The following PKP1 variants were observed in gnomAD, a reference collection of about 807,000 sequenced individuals.
PKP1 encodes plakophilin-1.
Under a neutral mutation model 76.4 loss-of-function variants are expected in PKP1, and 27 were observed. The observed-to-expected ratio is 0.35, with a 90% CI of 0.26 to 0.49. The LOEUF is 0.49. PKP1 is among the 20% of genes least tolerant of loss of function. The pLI is 0.99. For synonymous variants in PKP1, 404 were observed against 384.2 expected (o/e 1.05, Z -0.60); for missense variants, 964 against 955.2 (o/e 1.01, Z -0.12).
At chr1:201,313,032 C>G in intron 2 of PKP1, 134 bp from the exon 3 acceptor site, 1 of 905,924 alleles carries the variant, frequency 1.1e-6, no homozygotes, top group Non-Finnish European at 1.8e-6. Context: ...GGCTCAGGTT[C>G]CTTCCACGCC....
intron 7 of PKP1, among the ~76,000 whole-genome samples, chr1:201,321,572 T>C (rs938879324): frequency 2.0e-5 from 3 of 151,040 alleles, no homozygotes; most frequent in African/African-American, 7.3e-5. Flanking sequence ...GAGTTTGTTC[T>C]GGAAAAAAAA....
At chr1:201,286,972 C>T (rs375307758) in intron 1 of PKP1, among the ~76,000 whole-genome samples, 28 of 152,282 alleles carry the variant, frequency 1.8e-4, no homozygotes, top group East Asian at 5.8e-4. Flanking sequence ...AGCGCTCCCC[C>T]GCCACTGTGA....
intron 1 of PKP1, among the ~76,000 whole-genome samples, chr1:201,293,422 G>T (rs1397533149): frequency 2.6e-5 from 4 of 152,218 alleles, no homozygotes; most frequent in African/African-American, 4.8e-5. Context: ...GAGCATGTTA[G>T]AGGTGAAAGA....
At chr1:201,322,687 T>A (rs1779290) in intron 8 of PKP1, among the ~76,000 whole-genome samples, 2 of 152,122 alleles carry the variant, frequency 1.3e-5, no homozygotes, top group Non-Finnish European at 2.9e-5. Context: ...GATGGGAGAG[T>A]CCAAAGCAGC....
intron 6 of PKP1, 199 bp from the exon 7 acceptor site, chr1:201,320,068 C>G (rs1173810144): frequency 8.4e-6 from 6 of 710,974 alleles, no homozygotes; most frequent in African/African-American, 7.0e-5. Context: ...TTCCTCTCTT[C>G]ATTCCTTTCC....
chr1:201,310,443 TG>T (rs1176700442), intron 2 of PKP1, among the ~76,000 whole-genome samples: 2 of 152,170 alleles, frequency 1.3e-5, no homozygotes, highest in East Asian at 3.9e-4. Context: ...TCCTCCAGTT[TG>T]TAGATCTCAG....
At chr1:201,314,549 A>G (rs967368028) in intron 3 of PKP1, among the ~76,000 whole-genome samples, 2 of 152,226 alleles carry the variant, frequency 1.3e-5, no homozygotes, top group African/African-American at 4.8e-5. Flanking sequence ...AACAGAGCAC[A>G]ACTCCTGTGC....
At chr1:201,309,706 A>G (rs1329775230) in intron 2 of PKP1, among the ~76,000 whole-genome samples, 1 of 152,166 alleles carries the variant, frequency 6.6e-6, no homozygotes, top group Non-Finnish European at 1.5e-5. Context: ...CTGCCCGTGC[A>G]TCCTCTTCTG....
chr1:201,318,313 T>C (rs1656829377), intron 5 of PKP1, among the ~76,000 whole-genome samples: 19 of 152,214 alleles, frequency 1.2e-4, no homozygotes, highest in Admixed American at 1.2e-3. Flanking sequence ...AGACTCCAAG[T>C]GCTAAAATTT....
At chr1:201,323,629 A>G (rs1472023212) in intron 9 of PKP1, among the ~76,000 whole-genome samples, 2 of 152,202 alleles carry the variant, frequency 1.3e-5, no homozygotes, top group Admixed American at 6.5e-5. Context: ...GGCCAAATGT[A>G]TGTAGCTTGG....
At chr1:201,305,780 C>G (rs928299838) in intron 2 of PKP1, among the ~76,000 whole-genome samples, 4 of 152,212 alleles carry the variant, frequency 2.6e-5, no homozygotes, top group African/African-American at 9.7e-5. Flanking sequence ...CTCAAGGGTG[C>G]TCTTCTGAGG....
rs539567088 is a variant in PKP1, at chr1:201,326,281, G to A, written c.2106+443G>A. 9.2e-5 allele frequency among the ~76,000 whole-genome samples: 14 copies of A among 152,334 alleles called. 1 individual carries two copies. The South Asian group carries it at 2.9e-3, about 32-fold the overall frequency. ...GAACCATTCAAAGTTTTGAATAGAGGGTTTCATGATCAAAGCAGCACCAAA... is the reference window on the plus strand; with the variant it reads ...GAACCATTCAAAGTTTTGAATAGAGAGTTTCATGATCAAAGCAGCACCAAA... On this transcript the variant is annotated intron_variant, in intron 12 of 13. Coordinates refer to ENST00000367324, the MANE Select transcript of PKP1 (RefSeq NM_001005337.3).
At chr1:201,324,851 G>T in intron 10 of PKP1, 90 bp from the exon 11 acceptor site, 1 of 1,306,014 alleles carries the variant, frequency 7.7e-7, no homozygotes, top group Non-Finnish European at 1.1e-6. Context: ...CCGGCAGAAG[G>T]CTATCGAAGA....
chr1:201,313,046 C>A, intron 2 of PKP1, 120 bp from the exon 3 acceptor site: 2 of 1,083,852 alleles, frequency 1.8e-6, no homozygotes, highest in Non-Finnish European at 2.8e-6. Context: ...CCACGCCAAA[C>A]ATTCTGGGAT....
intron 1 of PKP1, among the ~76,000 whole-genome samples, chr1:201,289,688 G>GCACACACACACACA (rs3057891): frequency 1.4e-5 from 2 of 144,948 alleles, no homozygotes; most frequent in African/African-American, 5.1e-5. Context: ...TGGGAGGAGT[G>GCACACACACACACA]CACACACACA....
chr1:201,310,950 A>G (rs1656530078), intron 2 of PKP1, among the ~76,000 whole-genome samples: 1 of 152,208 alleles, frequency 6.6e-6, no homozygotes, highest in Non-Finnish European at 1.5e-5. Flanking sequence ...TTTTCCCAGC[A>G]CAGGAAAGCA....
intron 2 of PKP1, among the ~76,000 whole-genome samples, chr1:201,299,230 T>TG (rs1656155174): frequency 6.6e-6 from 1 of 152,230 alleles, no homozygotes; most frequent in Non-Finnish European, 1.5e-5. Context: ...ATGTGACTCT[T>TG]AGTCAAGTCT....
At chr1:201,306,621 A>T (rs1656374248) in intron 2 of PKP1, among the ~76,000 whole-genome samples, 1 of 152,160 alleles carries the variant, frequency 6.6e-6, no homozygotes, top group Non-Finnish European at 1.5e-5. Context: ...GATACTGACC[A>T]TTATTAACCA....
intron 2 of PKP1, among the ~76,000 whole-genome samples, chr1:201,295,887 GA>G (rs11432933): frequency 0.6 from 90,026 of 150,720 alleles, 26,894 homozygotes; most frequent in East Asian, 0.76. Context: ...TGTTTCTAAA[GA>G]AAAAAAAAAA....
Sources: gnomAD v4.1 joint callset for allele counts (sites outside exome capture counted in the v4.1 genomes callset) on GRCh38, gnomAD v4.1.1 for gene constraint, MANE v1.5 for transcripts, NCBI Gene and HGNC (gene_info 2026-07-23, HGNC 2026-07-21) for gene names.